The following BRCA1 variants were observed in gnomAD, a reference collection of about 807,000 sequenced individuals.
BRCA1 encodes the protein breast cancer type 1 susceptibility protein.
In BRCA1, 140 loss-of-function variants were observed where a neutral mutation model predicts 173.7. The ratio of observed to expected loss-of-function variants is 0.81; its 90% CI spans 0.70 to 0.93. The LOEUF (loss-of-function observed/expected upper bound fraction) is 0.93, where lower values mean the gene tolerates loss of function less well. Among genes scored for constraint, BRCA1 ranks in the 40% least tolerant of loss-of-function variants. BRCA1 has a pLI of 0.00. For missense variants in BRCA1, 1,983 were observed against 2,172.5 expected (o/e 0.91, Z 1.73); for synonymous variants, 662 against 756.0 (o/e 0.88, Z 2.04).
chr17:43,081,753 T>C lies in BRCA1; in HGVS notation c.4357+651A>G, dbSNP rs530463308. On this transcript the variant is annotated intron_variant, in intron 12 of 22. Transcript: ENST00000357654. ...ATTCCTCAGCTCAGTGCTCACTTCT[T>C]ATAGGAAGTCAGCTCTGATCAACTG... Among the ~76,000 whole-genome samples, 106 of 152,322 alleles carry C rather than the reference T, an allele frequency of 7.0e-4. 1 individual carries two copies. The South Asian group carries it at 0.021, about 30-fold the overall frequency.
At chr17:43,154,205 G>A (rs143686619) in intron 1 of BRCA1, among the ~76,000 whole-genome samples, 1 of 151,068 alleles carries the variant, frequency 6.6e-6, no homozygotes, top group African/African-American at 2.4e-5. Flanking sequence ...AGAAAATAAG[G>A]CCAGGCACGG....
chr17:43,100,678 A>ATT (rs1491277616), intron 6 of BRCA1, among the ~76,000 whole-genome samples: 3 of 36,258 alleles, frequency 8.3e-5, no homozygotes, highest in East Asian at 1.2e-3. Flanking sequence ...ATATATATAT[A>ATT]ATATATATAT....
At chr17:43,134,587 C>A (rs552463663) in intron 1 of BRCA1, among the ~76,000 whole-genome samples, 2 of 152,128 alleles carry the variant, frequency 1.3e-5, no homozygotes, top group African/African-American at 4.8e-5. Context: ...AAAGGATTTC[C>A]CTACTAAATC....
At chr17:43,109,078 T>C (rs1394831665) in intron 3 of BRCA1, among the ~76,000 whole-genome samples, 1 of 119,724 alleles carries the variant, frequency 8.4e-6, no homozygotes, top group African/African-American at 2.9e-5. Flanking sequence ...GTCTACAGTC[T>C]TGAACTCCCG....
intron 11 of BRCA1, among the ~76,000 whole-genome samples, chr17:43,089,070 T>C (rs913478582): frequency 1.3e-5 from 2 of 152,092 alleles, no homozygotes; most frequent in African/African-American, 4.8e-5. Context: ...CTCAGCACTT[T>C]GGGAGGCTGA....
In BRCA1 at chr17:43,091,910, C is replaced by T. The variant is rs1597862489; in HGVS notation, c.3621G>A (p.Lys1207=). Residue 1207 remains lysine (K), a synonymous_variant, in exon 10 of 23, where the codon AAG becomes AAA. Transcript: ENST00000357654. ...AGTTCTCTTCTGAGGACTCTAATTT[C>T]TTGGCCCCTCTTCGGTAACCCTGAG... is the stretch of plus-strand genomic sequence containing the variant. The part of the protein sequence containing the change: ...HLAQGYRRGA[K]KLESSEENLS... 1.2e-6 allele frequency: 2 copies of T among 1,614,184 alleles called. No homozygotes were observed. Among genetic ancestry groups the T allele is most frequent in the Non-Finnish European group, 1.7e-6 (2 of 1,180,026 alleles).
At position 43,090,923 on chromosome 17, in the gene BRCA1, A is replaced by G. The variant is rs1192950184; in HGVS notation, c.4185+21T>C. 5 of 1,520,640 alleles carry G rather than the reference A, an allele frequency of 3.3e-6. No homozygotes were observed. Among genetic ancestry groups the G allele is most frequent in the African/African-American group, 1.4e-5 (1 of 73,034 alleles). The allele number at this position is 1,520,640 out of a possible 1,614,324, so 94.2% of individuals were successfully genotyped here. A position where few individuals can be genotyped will look rare whatever the true frequency, so the allele number is the denominator to read the frequency against. On this transcript the variant is annotated intron_variant, in intron 11 of 22. Coordinates refer to ENST00000357654, the MANE Select transcript of BRCA1 (RefSeq NM_007294.4). ...AAGGACACCACACACACGCATGTGCACACACACACACGCTTTTTACCTGAG... is the reference window on the plus strand; with the variant it reads ...AAGGACACCACACACACGCATGTGCGCACACACACACGCTTTTTACCTGAG...
chr17:43,046,576 A>G (rs1362233019), intron 22 of BRCA1, among the ~76,000 whole-genome samples: 1 of 151,264 alleles, frequency 6.6e-6, no homozygotes, highest in Non-Finnish European at 1.5e-5. Flanking sequence ...TTTTTTTAGT[A>G]TTTTTAGTAG....
chr17:43,148,753 C>G (rs2056140166), intron 1 of BRCA1: 1 of 166,184 alleles, frequency 6.0e-6, no homozygotes, highest in African/African-American at 2.4e-5. Flanking sequence ...TCTTTTTTAT[C>G]TTCCTCTGAT....
Position 43,104,344 on chromosome 17 carries a change from A to G in BRCA1, c.302-83T>C. ...AATCAAAGAAACCAAGAGAAACCCT[A>G]TGTATGCTCTTTGTTGTGTTAAGAC... On this transcript the variant is annotated intron_variant, in intron 5 of 22. Coordinates refer to ENST00000357654, the MANE Select transcript of BRCA1 (RefSeq NM_007294.4). The G allele has an allele frequency of 2.8e-6, 4 of 1,424,964 alleles. No individual in the cohort carries two copies. The South Asian group carries it at 3.6e-5, about 13-fold the overall frequency. 88.3% of individuals were successfully genotyped at this position (1,424,964 alleles called of 1,614,324 possible).
chr17:43,143,536 T>C (rs1368043414), intron 1 of BRCA1, among the ~76,000 whole-genome samples: 2 of 152,224 alleles, frequency 1.3e-5, no homozygotes, highest in African/African-American at 4.8e-5. Context: ...ACTGCCAGCG[T>C]TCATTTGTGT....
chr17:43,100,685 A>T (rs1188672526), intron 6 of BRCA1, among the ~76,000 whole-genome samples: 1 of 10,206 alleles, frequency 9.8e-5, no homozygotes, highest in Non-Finnish European at 4.5e-4. Flanking sequence ...TATAATATAT[A>T]TATATATATA....
At chr17:43,135,665 C>T (rs1033370029) in intron 1 of BRCA1, among the ~76,000 whole-genome samples, 14 of 152,170 alleles carry the variant, frequency 9.2e-5, no homozygotes, top group Admixed American at 2.0e-4. Context: ...ACCCTCTTCC[C>T]AACGCCACCC....
At chr17:43,139,502 G>A (rs1012953805) in intron 1 of BRCA1, among the ~76,000 whole-genome samples, 3 of 151,966 alleles carry the variant, frequency 2.0e-5, no homozygotes, top group Non-Finnish European at 4.4e-5. Flanking sequence ...GACTGCAGGT[G>A]CCTGCCACCA....
chr17:43,120,759 C>G (rs188704587), intron 2 of BRCA1, among the ~76,000 whole-genome samples: 1 of 151,080 alleles, frequency 6.6e-6, no homozygotes, highest in Admixed American at 6.6e-5. Context: ...AGCGAGACTC[C>G]GTCTCAAAAA....
intron 10 of BRCA1, 106 bp downstream of exon 10, chr17:43,091,329 C>A: frequency 2.1e-6 from 3 of 1,442,954 alleles, no homozygotes; most frequent in Non-Finnish European, 2.9e-6. Context: ...GAAGCAGTTC[C>A]TTTAACTATA....
At chr17:43,069,084 A>G (rs2052272709) in intron 15 of BRCA1, among the ~76,000 whole-genome samples, 1 of 152,226 alleles carries the variant, frequency 6.6e-6, no homozygotes, top group Non-Finnish European at 1.5e-5. Flanking sequence ...AGGTCAGGCC[A>G]TCTTTCTTTC....
chr17:43,045,040 G>A lies in BRCA1; in HGVS notation c.*638C>T. On this transcript the variant is annotated 3_prime_UTR_variant, in exon 23 of 23. Transcript: ENST00000357654. ...GCTGGTTTCGAACTCCTGACCTCCAGTGATCTGCCCACCTTGGCCTCCCAA... is the reference window on the plus strand; with the variant it reads ...GCTGGTTTCGAACTCCTGACCTCCAATGATCTGCCCACCTTGGCCTCCCAA... 1 of 509,098 alleles carries A rather than the reference G, an allele frequency of 2.0e-6. No homozygotes were observed. The highest frequency in any genetic ancestry group is 3.8e-6 in the Non-Finnish European group (1 of 260,530). The allele number at this position is 509,098 out of a possible 1,614,324, so 31.5% of individuals were successfully genotyped here.
chr17:43,107,881 G>A (rs2054865523), intron 3 of BRCA1, among the ~76,000 whole-genome samples: 1 of 152,148 alleles, frequency 6.6e-6, no homozygotes, highest in Non-Finnish European at 1.5e-5. Flanking sequence ...TATTTACTAT[G>A]TCTAGTACTA....
Sources: gnomAD v4.1 joint callset for allele counts (sites outside exome capture counted in the v4.1 genomes callset) on GRCh38, gnomAD v4.1.1 for gene constraint, MANE v1.5 for transcripts, NCBI Gene and HGNC (gene_info 2026-07-23, HGNC 2026-07-21) for gene names.